RHOU: variants seen among roughly 807,000 people sequenced by gnomAD.
The protein encoded by RHOU is rho-related GTP-binding protein RhoU.
RHOU carries 8 observed loss-of-function variants against 12.6 expected under a neutral mutation model. That is an observed-to-expected ratio of 0.64 (90% CI 0.37 to 1.15). The LOEUF is 1.15. Among genes scored for constraint, RHOU ranks in the 50% most tolerant of loss-of-function variants. RHOU has a pLI of 0.01. For missense variants in RHOU, 258 were observed against 347.0 expected, an observed-to-expected ratio of 0.74 and a Z score of 2.04; for synonymous variants, 161 against 147.4, an observed-to-expected ratio of 1.09 and a Z score of -0.67.
At chr1:228,739,962 G>A (rs1295441160) in intron 2 of RHOU, among the ~76,000 whole-genome samples, 1 of 152,212 alleles carries the variant, frequency 6.6e-6, no homozygotes, top group Non-Finnish European at 1.5e-5. Flanking sequence ...ACAGTGTGGA[G>A]GGAAGACAAA....
the RHOU span, among the ~76,000 whole-genome samples, chr1:228,692,105 CT>C: frequency 6.6e-6 from 1 of 152,120 alleles, no homozygotes; most frequent in Non-Finnish European, 1.5e-5. Flanking sequence ...TGCATAAGCA[CT>C]TTTACAAAGG....
At chr1:228,661,376 A>G in the RHOU span, among the ~76,000 whole-genome samples, 1 of 152,230 alleles carries the variant, frequency 6.6e-6, no homozygotes, top group Non-Finnish European at 1.5e-5. Context: ...TGCCAAGACA[A>G]TCTTAAGCAA....
chr1:228,703,281 C>G, the RHOU span, among the ~76,000 whole-genome samples: 1 of 152,098 alleles, frequency 6.6e-6, no homozygotes, highest in African/African-American at 2.4e-5. Context: ...AATCCCAGCA[C>G]TTTGGGAGGC....
At chr1:228,707,083 A>T in the RHOU span, among the ~76,000 whole-genome samples, 1 of 132,700 alleles carries the variant, frequency 7.5e-6, no homozygotes, top group African/African-American at 3.0e-5. Context: ...TGCCTTTGGG[A>T]CCTTTAGGAC....
chr1:228,727,257 T>C, the RHOU span, among the ~76,000 whole-genome samples: 3 of 152,214 alleles, frequency 2.0e-5, no homozygotes, highest in Non-Finnish European at 4.4e-5. Flanking sequence ...CTGGGATGCA[T>C]ATGATAGAGA....
chr1:228,741,094 GAA>G (rs72496488), intron 2 of RHOU, among the ~76,000 whole-genome samples: 1 of 147,242 alleles, frequency 6.8e-6, no homozygotes, highest in African/African-American at 2.5e-5. Context: ...ATCTTATACT[GAA>G]AAAAAAAAAT....
chr1:228,648,851 CCT>C, the RHOU span, among the ~76,000 whole-genome samples: 3 of 141,002 alleles, frequency 2.1e-5, no homozygotes, highest in Non-Finnish European at 3.2e-5. Flanking sequence ...TCTTTCTCTT[CCT>C]CTCTCTCTTT....
At chr1:228,714,740 C>CTTTTTT in the RHOU span, among the ~76,000 whole-genome samples, 119 of 83,712 alleles carry the variant, frequency 1.4e-3, 1 homozygote, top group Non-Finnish European at 1.8e-3. Context: ...TGTTAATTAT[C>CTTTTTT]TTTTTTTTTT....
chr1:228,699,025 C>CA, the RHOU span, among the ~76,000 whole-genome samples: 1 of 151,818 alleles, frequency 6.6e-6, no homozygotes, highest in Non-Finnish European at 1.5e-5. Context: ...CCAAAAGACC[C>CA]AATCTCAGGG....
chr1:228,653,846 G>A, the RHOU span, among the ~76,000 whole-genome samples: 1 of 152,188 alleles, frequency 6.6e-6, no homozygotes. Context: ...TGATAAAATT[G>A]AACTAATTCT....
At chr1:228,655,095 T>A in the RHOU span, among the ~76,000 whole-genome samples, 4 of 152,018 alleles carry the variant, frequency 2.6e-5, no homozygotes, top group African/African-American at 9.6e-5. Flanking sequence ...ATCATATTAC[T>A]ATTAACCTTG....
rs1036336319 is a variant in RHOU at position 228,738,325 on chromosome 1, G to A, written c.321+594G>A. Among the ~76,000 whole-genome samples, 1 of 152,182 alleles carries A rather than the reference G, an allele frequency of 6.6e-6. No homozygotes were observed. Among genetic ancestry groups the A allele is most frequent in the Non-Finnish European group, 1.5e-5 (1 of 68,030 alleles). On this transcript the variant is annotated intron_variant, in intron 2 of 2. Coordinates refer to ENST00000366691, the MANE Select transcript of RHOU (RefSeq NM_021205.6). The surrounding 1 kb of genome is among the most constrained non-coding windows in gnomAD (Gnocchi z 4.2). ...AACTGTGAACGCTGGTTCTTGTCTC[G>A]AGGGCTGGGCCCTTGGAGGAAATAG...
the RHOU span, among the ~76,000 whole-genome samples, chr1:228,663,290 A>G: frequency 2.0e-5 from 3 of 152,182 alleles, no homozygotes; most frequent in Non-Finnish European, 1.5e-5. Flanking sequence ...ATCACAAACC[A>G]CAGTGAGGCA....
At chr1:228,721,998 C>T in the RHOU span, among the ~76,000 whole-genome samples, 3 of 152,192 alleles carry the variant, frequency 2.0e-5, no homozygotes, top group Non-Finnish European at 4.4e-5. Flanking sequence ...AAATCCAACC[C>T]AGCACCAGAA....
upstream of RHOU, among the ~76,000 whole-genome samples, chr1:228,734,475 C>T (rs747071570): frequency 1.3e-4 from 20 of 152,290 alleles, no homozygotes; most frequent in Middle Eastern, 3.4e-3. Flanking sequence ...AATCCCAAAA[C>T]GTTACTTAAT....
the RHOU span, among the ~76,000 whole-genome samples, chr1:228,672,395 T>C: frequency 6.6e-6 from 1 of 152,166 alleles, no homozygotes; most frequent in African/African-American, 2.4e-5. Flanking sequence ...ACTTCTGACC[T>C]CAGATGGTCC....
chr1:228,649,295 G>A, the RHOU span, among the ~76,000 whole-genome samples: 40 of 152,312 alleles, frequency 2.6e-4, no homozygotes, highest in Non-Finnish European at 5.1e-4. Flanking sequence ...TTGAATTCAA[G>A]TACCTTTTCG....
the RHOU span, among the ~76,000 whole-genome samples, chr1:228,725,947 C>G: frequency 6.6e-6 from 1 of 152,174 alleles, no homozygotes; most frequent in African/African-American, 2.4e-5. Flanking sequence ...GATAAATGTT[C>G]TACTTCTTAA....
the RHOU span, among the ~76,000 whole-genome samples, chr1:228,704,689 C>A: frequency 1.4e-4 from 21 of 151,896 alleles, no homozygotes; most frequent in South Asian, 8.3e-4. Context: ...TTGAACTCGA[C>A]CTCAAGTTAC....
Sources: gnomAD v4.1 joint callset for allele counts (sites outside exome capture counted in the v4.1 genomes callset) on GRCh38, gnomAD v4.1.1 for gene constraint, Gnocchi (gnomAD v3.1) non-coding constraint, MANE v1.5 for transcripts, NCBI Gene and HGNC (gene_info 2026-07-23, HGNC 2026-07-21) for gene names.